NEIL3: variants seen among roughly 807,000 people sequenced by gnomAD.
NEIL3 encodes nei like DNA glycosylase 3.
NEIL3 carries 48 observed loss-of-function variants against 57.5 expected under a neutral mutation model. The ratio of observed to expected loss-of-function variants is 0.83; its 90% CI spans 0.66 to 1.06. The LOEUF is 1.06. Ranked by LOEUF, NEIL3 falls within the 50% of genes least tolerant of loss-of-function variation. The pLI, the probability that NEIL3 is intolerant of heterozygous loss-of-function variation, is 0.00. For missense variants in NEIL3, 717 were observed against 739.1 expected (o/e 0.97, Z 0.35); for synonymous variants, 261 against 253.2 (o/e 1.03, Z -0.29).
intron 2 of NEIL3, among the ~76,000 whole-genome samples, chr4:177,332,075 T>C (rs1426318726): frequency 2.6e-5 from 4 of 152,188 alleles, no homozygotes; most frequent in African/African-American, 9.6e-5. Context: ...ATAGTGGGGA[T>C]ATTTACTTCT....
At chr4:177,362,227 G>T (rs1250436612) in intron 9 of NEIL3, 62 bp from the exon 10 acceptor site, 3 of 1,357,702 alleles carry the variant, frequency 2.2e-6, no homozygotes, top group South Asian at 2.8e-5. Context: ...TGTGCCTAGG[G>T]TTAGCCTGTA....
chr4:177,354,095 A>G (rs1735423869), intron 8 of NEIL3: 1 of 182,442 alleles, frequency 5.5e-6, no homozygotes, highest in Admixed American at 5.9e-5. Flanking sequence ...GAAGACAGAA[A>G]TTGTCCCTTG....
chr4:177,349,034 ATTTTT>A (rs70938582), intron 6 of NEIL3, among the ~76,000 whole-genome samples: 16 of 100,428 alleles, frequency 1.6e-4, no homozygotes, highest in South Asian at 3.8e-4. Flanking sequence ...CACCTGGCTA[ATTTTT>A]TTTTTTTTTT....
chr4:177,310,328 G>T (rs1207381940), intron 1 of NEIL3, among the ~76,000 whole-genome samples: 1 of 152,212 alleles, frequency 6.6e-6, no homozygotes, highest in African/African-American at 2.4e-5. Flanking sequence ...TCACGCTGCC[G>T]GAGCAAGATG....
downstream of NEIL3, among the ~76,000 whole-genome samples, chr4:177,365,419 G>T (rs1187832026): frequency 6.6e-6 from 1 of 152,086 alleles, no homozygotes; most frequent in African/African-American, 2.4e-5. Context: ...ATAAAAATTT[G>T]CCAAGTATAC....
chr4:177,359,532 GT>G (rs201862869), intron 8 of NEIL3, among the ~76,000 whole-genome samples: 20 of 151,150 alleles, frequency 1.3e-4, no homozygotes, highest in East Asian at 3.9e-4. Context: ...TGATTTTTAA[GT>G]TTTTTTTTAA....
chr4:177,334,777 T>G (rs566927499), intron 2 of NEIL3, among the ~76,000 whole-genome samples: 1 of 152,320 alleles, frequency 6.6e-6, no homozygotes, highest in South Asian at 2.1e-4. Flanking sequence ...CACAGAGCAG[T>G]AGCATTCGCT....
At chr4:177,333,799 G>A (rs1001985193) in intron 2 of NEIL3, among the ~76,000 whole-genome samples, 3 of 152,142 alleles carry the variant, frequency 2.0e-5, no homozygotes, top group South Asian at 4.2e-4. Context: ...AAAAATTGAC[G>A]AACCCAGCTT....
intron 6 of NEIL3, among the ~76,000 whole-genome samples, chr4:177,341,867 C>A (rs192198556): frequency 6.6e-6 from 1 of 152,234 alleles, no homozygotes; most frequent in Admixed American, 6.5e-5. Flanking sequence ...ATCTCTGGCT[C>A]AGGGAATAAT....
chr4:177,333,432 G>C (rs774021142), intron 2 of NEIL3, among the ~76,000 whole-genome samples: 2 of 152,174 alleles, frequency 1.3e-5, no homozygotes, highest in Non-Finnish European at 2.9e-5. Context: ...TTGGTTGCAA[G>C]TGACAGAGGC....
chr4:177,318,556 T>A (rs1734617049), intron 1 of NEIL3, among the ~76,000 whole-genome samples: 1 of 152,036 alleles, frequency 6.6e-6, no homozygotes, highest in Admixed American at 6.5e-5. Flanking sequence ...AATCAGAAAA[T>A]CTATCTACTA....
At chr4:177,331,612 A>G (rs1459027670) in intron 2 of NEIL3, among the ~76,000 whole-genome samples, 28 of 152,068 alleles carry the variant, frequency 1.8e-4, no homozygotes, top group Non-Finnish European at 7.4e-5. Flanking sequence ...ATCTCTTGAT[A>G]CTTTTTTAAT....
At position 177,360,500 on chromosome 4, in the gene NEIL3, C is replaced by A. The variant is rs907429634; in HGVS notation, c.1461-3C>A. On this transcript the variant is annotated splice_polypyrimidine_tract_variant and splice_region_variant and intron_variant, in intron 8 of 9. Transcript: ENST00000264596. ...GTACTTATTTTGTAACCTGTCATTA[C>A]AGTGAACTTCAAATTAATATGACAG... 16 of 1,612,034 alleles carry A rather than the reference C, an allele frequency of 9.9e-6. No individual in the cohort carries two copies. The highest frequency in any genetic ancestry group is 1.3e-5 in the African/African-American group (1 of 74,864).
intron 4 of NEIL3, 47 bp downstream of exon 4, chr4:177,336,368 G>T (rs771171873): frequency 6.8e-7 from 1 of 1,464,280 alleles, no homozygotes; most frequent in Non-Finnish European, 9.5e-7. Context: ...TTTCGGTACT[G>T]TGAAGGAACC....
chr4:177,346,366 G>T (rs1735221013), intron 6 of NEIL3, among the ~76,000 whole-genome samples: 1 of 151,684 alleles, frequency 6.6e-6, no homozygotes, highest in Non-Finnish European at 1.5e-5. Flanking sequence ...ATGGAATCTT[G>T]TTATGTTGCC....
intron 2 of NEIL3, among the ~76,000 whole-genome samples, chr4:177,332,032 C>G (rs1030676458): frequency 6.6e-6 from 1 of 152,162 alleles, no homozygotes; most frequent in African/African-American, 2.4e-5. Context: ...AGACTGCTGT[C>G]GCTTGTGACT....
At chr4:177,337,237 T>C (rs1160339733) in intron 4 of NEIL3, among the ~76,000 whole-genome samples, 2 of 152,186 alleles carry the variant, frequency 1.3e-5, no homozygotes, top group Non-Finnish European at 2.9e-5. Flanking sequence ...AGGGAAGACC[T>C]CTACATTAGG....
chr4:177,324,988 A>ATAGATAGATAG (rs1560910071), intron 2 of NEIL3, among the ~76,000 whole-genome samples: 20 of 113,222 alleles, frequency 1.8e-4, no homozygotes, highest in African/African-American at 7.2e-4. Context: ...TAGATAGATA[A>ATAGATAGATAG]GTAAATATAT....
In NEIL3 at chr4:177,322,579, C is replaced by A; in HGVS notation, c.277C>A (p.Arg93=). ...TATGTACTTTGGACCAAAAGCTTTA[C>A]GGTAAGATAAGCCTGTACGATACAT... The part of the protein sequence containing the change: ...LFMYFGPKAL[R]IHFGMKGFIM... The change falls in exon 2 of 10, where the codon CGG becomes AGG. Residue 93 remains arginine, a splice_region_variant and synonymous_variant. Coordinates refer to ENST00000264596, the MANE Select transcript of NEIL3 (RefSeq NM_018248.3). The A allele has an allele frequency of 1.9e-6, 3 of 1,613,672 alleles. No individual in the cohort carries two copies. Among genetic ancestry groups the A allele is most frequent in the Non-Finnish European group, 2.5e-6 (3 of 1,179,706 alleles).
Sources: allele counts gnomAD v4.1 joint callset (sites outside exome capture counted in the v4.1 genomes callset), GRCh38; gene constraint gnomAD v4.1.1; transcripts MANE v1.5; gene names NCBI Gene and HGNC (gene_info 2026-07-23, HGNC 2026-07-21).